The following PLXNA4 variants were observed in gnomAD, a reference collection of about 807,000 sequenced individuals.
PLXNA4 encodes plexin A4, also known as plexin-A4.
PLXNA4 carries 44 observed loss-of-function variants against 191.8 expected under a neutral mutation model. The observed-to-expected ratio is 0.23, with a 90% CI of 0.18 to 0.29. PLXNA4 has a LOEUF of 0.29. Among genes scored for constraint, PLXNA4 ranks in the 10% least tolerant of loss-of-function variants. The pLI is 1.00. For missense variants in PLXNA4, 1,800 were observed against 2,488.8 expected (o/e 0.72, Z 5.89); for synonymous variants, 1,082 against 1,009.5 (o/e 1.07, Z -1.36).
Position 132,228,352 on chromosome 7 carries a change from G to A in PLXNA4, c.1722C>T (p.Asn574=), listed in dbSNP as rs759386370. The A allele has an allele frequency of 4.0e-5, 65 of 1,613,906 alleles. No homozygotes were observed. In the South Asian group the frequency reaches 5.7e-4, roughly 14 times the overall value. ...CAACCCCCACGACCCTTACCAGCAC[G>A]TTGTACTGAGAGACGGAGATATTGT... ...HPNNISVSQY[N]VLLVLETYNV... The change falls in exon 6 of 32, where the codon AAC becomes AAT. Residue 574 remains asparagine, a synonymous_variant. Transcript: ENST00000321063.
chr7:132,142,593 A>G (rs977182719), intron 29 of PLXNA4, among the ~76,000 whole-genome samples: 10 of 152,212 alleles, frequency 6.6e-5, no homozygotes, highest in African/African-American at 2.4e-4. Flanking sequence ...CAAAGTGTGC[A>G]GGGCGGGACT....
At chr7:132,417,263 C>T (rs900702422) in intron 3 of PLXNA4, among the ~76,000 whole-genome samples, 1 of 152,094 alleles carries the variant, frequency 6.6e-6, no homozygotes, top group Non-Finnish European at 1.5e-5. Flanking sequence ...GGCTCCTTGT[C>T]TGGACATTCT....
At chr7:132,282,151 A>C (rs1800500526) in intron 4 of PLXNA4, among the ~76,000 whole-genome samples, 1 of 152,224 alleles carries the variant, frequency 6.6e-6, no homozygotes, top group Non-Finnish European at 1.5e-5. Context: ...TGTTTTAAAT[A>C]AATTTTTTTT....
At chr7:132,589,073 T>C (rs1216856111) in intron 2 of PLXNA4, among the ~76,000 whole-genome samples, 1 of 152,250 alleles carries the variant, frequency 6.6e-6, no homozygotes, top group African/African-American at 2.4e-5. Flanking sequence ...ACTCATATCA[T>C]GTTTAGAATC....
chr7:132,592,469 A>G (rs1425792851), intron 2 of PLXNA4, among the ~76,000 whole-genome samples: 2 of 151,764 alleles, frequency 1.3e-5, no homozygotes, highest in African/African-American at 4.8e-5. Context: ...CATTATCCTC[A>G]GCCATCAGTT....
intron 3 of PLXNA4, among the ~76,000 whole-genome samples, chr7:132,334,658 G>T (rs1189313137): frequency 6.6e-6 from 1 of 152,182 alleles, no homozygotes; most frequent in Non-Finnish European, 1.5e-5. Flanking sequence ...TGATATCTGG[G>T]CCAGAATCAG....
upstream of PLXNA4, chr7:132,577,172 G>A (rs1370027918): frequency 1.4e-5 from 2 of 146,928 alleles, no homozygotes; most frequent in African/African-American, 4.9e-5. Flanking sequence ...GGGCCGAGCC[G>A]GGCCTCCCGG....
chr7:132,534,690 A>G (rs376671080), intron 1 of PLXNA4, among the ~76,000 whole-genome samples: 2 of 152,226 alleles, frequency 1.3e-5, no homozygotes, highest in African/African-American at 4.8e-5. Context: ...GGCTATGGAA[A>G]GAAAATACTA....
chr7:132,582,405 A>T (rs746384465), intron 2 of PLXNA4, among the ~76,000 whole-genome samples: 2 of 152,192 alleles, frequency 1.3e-5, no homozygotes, highest in South Asian at 2.1e-4. Flanking sequence ...AAATGGCCCC[A>T]GTGACTCTCA....
rs980022166 is a variant in PLXNA4, at chr7:132,576,327, G to A, written c.-87+95C>T. The A allele has an allele frequency of 2.2e-6, 2 of 912,090 alleles. No individual in the cohort carries two copies. The highest frequency in any genetic ancestry group is 1.8e-5 in the African/African-American group (1 of 55,436). 56.5% of individuals were successfully genotyped at this position (912,090 alleles called of 1,614,324 possible). ...TGTGCGTGTGCCGCGGGCTGGCTCC[G>A]GGACACTGAGGACTCCCGGGTCGGC... On this transcript the variant is annotated intron_variant, in intron 1 of 31. Transcript: ENST00000321063. The surrounding 1 kb of genome is among the most constrained non-coding windows in gnomAD (Gnocchi z 5.8).
intron 3 of PLXNA4, among the ~76,000 whole-genome samples, chr7:132,336,313 G>C (rs965046926): frequency 6.6e-6 from 1 of 152,104 alleles, no homozygotes; most frequent in Non-Finnish European, 1.5e-5. Flanking sequence ...GTCACATCCC[G>C]AATCAAGGTG....
At chr7:132,502,749 C>T (rs1436612442) in intron 2 of PLXNA4, among the ~76,000 whole-genome samples, 2 of 152,176 alleles carry the variant, frequency 1.3e-5, no homozygotes, top group East Asian at 1.9e-4. Flanking sequence ...ATTCCCTCAA[C>T]TGCAGAGGAT....
chr7:132,647,629 T>C (rs532286493), intron 1 of PLXNA4, among the ~76,000 whole-genome samples: 1 of 151,816 alleles, frequency 6.6e-6, no homozygotes, highest in South Asian at 2.1e-4. Flanking sequence ...ACCCACATGC[T>C]ATCATACACA....
intron 3 of PLXNA4, among the ~76,000 whole-genome samples, chr7:132,444,908 A>G (rs1585144239): frequency 6.6e-6 from 1 of 151,976 alleles, no homozygotes; most frequent in African/African-American, 2.4e-5. Context: ...TCACTCCTGT[A>G]ATCCCAACAC....
chr7:132,585,919 A>G (rs1239619094), intron 2 of PLXNA4, among the ~76,000 whole-genome samples: 2 of 152,238 alleles, frequency 1.3e-5, no homozygotes, highest in Non-Finnish European at 2.9e-5. Context: ...GGGATGACAC[A>G]TTTAGTCCAT....
chr7:132,402,302 C>A (rs7803579), intron 3 of PLXNA4, among the ~76,000 whole-genome samples: 19,334 of 152,110 alleles, frequency 0.13, 1,882 homozygotes, highest in African/African-American at 0.27. Flanking sequence ...GTGACAGGTG[C>A]CAGACACCCT....
At chr7:132,152,091 G>A (rs1398768691) in intron 25 of PLXNA4, among the ~76,000 whole-genome samples, 2 of 152,172 alleles carry the variant, frequency 1.3e-5, no homozygotes, top group Admixed American at 6.5e-5. Flanking sequence ...CATGGGCTCA[G>A]CTTTCTGGAG....
At chr7:132,631,437 A>C (rs974804701) in intron 2 of PLXNA4, among the ~76,000 whole-genome samples, 3 of 152,170 alleles carry the variant, frequency 2.0e-5, no homozygotes, top group Admixed American at 6.5e-5. Flanking sequence ...TGAACTGAAT[A>C]ATCTTGTAGG....
chr7:132,130,657 G>A (rs1000353970), intron 31 of PLXNA4, 83 bp from the exon 32 acceptor site: 9 of 1,594,502 alleles, frequency 5.6e-6, no homozygotes, highest in Admixed American at 1.7e-5. Flanking sequence ...TGGTGTGGAT[G>A]TGGTCAGAAG....
Sources: allele counts gnomAD v4.1 joint callset (sites outside exome capture counted in the v4.1 genomes callset), GRCh38; gene constraint gnomAD v4.1.1; non-coding constraint Gnocchi (gnomAD v3.1); transcripts MANE v1.5; gene names NCBI Gene and HGNC (gene_info 2026-07-23, HGNC 2026-07-21).